KITLG: variants seen among roughly 807,000 people sequenced by gnomAD.
The protein encoded by KITLG is KIT ligand.
KITLG carries 13 observed loss-of-function variants against 34.1 expected under a neutral mutation model. That is an observed-to-expected ratio of 0.38 (90% confidence interval 0.25 to 0.61). KITLG has a LOEUF of 0.61. Ranked by LOEUF, KITLG falls within the 20% of genes least tolerant of loss-of-function variation. The pLI, the probability that KITLG is intolerant of heterozygous loss-of-function variation, is 0.60. For synonymous variants in KITLG, 110 were observed against 104.0 expected (o/e 1.06, Z -0.35); for missense variants, 292 against 318.9 (o/e 0.92, Z 0.64).
chr12:88,530,581 C>T (rs1191910160), intron 3 of KITLG, among the ~76,000 whole-genome samples: 2 of 152,068 alleles, frequency 1.3e-5, no homozygotes, highest in Non-Finnish European at 2.9e-5. Context: ...AAGTGTCTGC[C>T]AAAGTGCTGG....
At chr12:88,522,079 T>C (rs1407056973) in intron 3 of KITLG, among the ~76,000 whole-genome samples, 1 of 152,130 alleles carries the variant, frequency 6.6e-6, no homozygotes, top group Non-Finnish European at 1.5e-5. Flanking sequence ...AAATAAAATA[T>C]ATAATTTAAA....
chr12:88,495,115 ATTTAACTCCAT>A lies in KITLG; in HGVS notation c.*2093_*2103del, dbSNP rs1566015395. The A allele has an allele frequency of 6.6e-6, 1 of 152,034 alleles. No homozygotes were observed. The highest frequency in any genetic ancestry group is 1.5e-5 in the Non-Finnish European group (1 of 67,940). 9.4% of individuals were successfully genotyped at this position (152,034 alleles called of 1,614,324 possible). A position where few individuals can be genotyped will look rare whatever the true frequency, so the allele number is the denominator to read the frequency against. The stretch of plus-strand genomic sequence containing the variant: ...ATTTAATAACTTGCTGAATTTGTTT[ATTTAACTCCAT>A]TGATTAAGACCATGTCCATGAGTGT... On this transcript the variant is annotated 3_prime_UTR_variant, in exon 10 of 10. Transcript: ENST00000644744.
In KITLG at chr12:88,515,546, T is replaced by G; in HGVS notation, c.592A>C (p.Ser198Arg). 1 of 1,607,752 alleles carries G rather than the reference T, an allele frequency of 6.2e-7. No individual in the cohort carries two copies. The highest frequency in any genetic ancestry group is 8.5e-7 in the Non-Finnish European group (1 of 1,174,682). ...VAASSLRNDS[S>R]SSNRKAKNPP... ...TATATGTACTTACTATTACTGCTAC[T>G]GCTGTCATTCCTAAGGGAGCTGGCT... is the stretch of plus-strand genomic sequence containing the variant. Residue 198 changes from serine to arginine, a missense_variant, in exon 6 of 10, where the codon AGT becomes CGT. Physicochemically the swap from Ser to Arg is moderately radical, Grantham distance 110. Around this residue, in one of 2 missense-constraint regions of KITLG, gnomAD observed 140 missense variants for 111.0 expected, o/e 1.26. Transcript: ENST00000644744.
intron 1 of KITLG, among the ~76,000 whole-genome samples, chr12:88,554,327 T>C (rs557574497): frequency 6.6e-6 from 1 of 152,284 alleles, no homozygotes; most frequent in South Asian, 2.1e-4. Context: ...GATTTTAAAA[T>C]ATGCATTGTC....
intron 1 of KITLG, among the ~76,000 whole-genome samples, chr12:88,579,527 G>A (rs1347286202): frequency 6.6e-6 from 1 of 152,154 alleles, no homozygotes; most frequent in Non-Finnish European, 1.5e-5. Context: ...GTATAATGCA[G>A]AATTTAGCAG....
At chr12:88,556,141 G>T (rs892267540) in intron 1 of KITLG, among the ~76,000 whole-genome samples, 2 of 149,782 alleles carry the variant, frequency 1.3e-5, no homozygotes, top group Admixed American at 1.3e-4. Flanking sequence ...GGTGCCCACA[G>T]AAGTGTGGAA....
Position 88,545,839 on chromosome 12 carries a change from A to C in KITLG, c.42T>G (p.Leu14=). 6.2e-7 allele frequency: 1 copy of C among 1,611,282 alleles called. No homozygotes were observed. The highest frequency in any genetic ancestry group is 8.5e-7 in the Non-Finnish European group (1 of 1,177,478). The part of the protein sequence containing the change: ...TQTWILTCIY[L]QLLLFNPLVK... ...CGAGAGGATTAAATAGGAGCAGCTG[A>C]AGATAAATGCAAGTGAGAATCCAAG... The change falls in exon 2 of 10, where the codon CTT becomes CTG. Residue 14 remains leucine (L), a synonymous_variant. Coordinates refer to ENST00000644744, the MANE Select transcript of KITLG (RefSeq NM_000899.5).
intron 6 of KITLG, among the ~76,000 whole-genome samples, chr12:88,513,183 A>AT (rs1260419435): frequency 1.3e-5 from 2 of 151,702 alleles, no homozygotes; most frequent in Non-Finnish European, 3.0e-5. Context: ...AGGTTCTTGC[A>AT]TTTTTTTCTC....
chr12:88,579,988 A>G (rs1871961596), intron 1 of KITLG: 1 of 584,320 alleles, frequency 1.7e-6, no homozygotes, highest in African/African-American at 1.9e-5. Context: ...ACCAGACGGG[A>G]ATTACGGTTT....
At chr12:88,536,206 C>CA (rs1399613280) in intron 2 of KITLG, among the ~76,000 whole-genome samples, 1 of 151,952 alleles carries the variant, frequency 6.6e-6, no homozygotes, top group Non-Finnish European at 1.5e-5. Flanking sequence ...ATTCAACAAG[C>CA]AAAAAATAAC....
At chr12:88,514,065 TCAAA>T (rs1490032139) in intron 6 of KITLG, among the ~76,000 whole-genome samples, 1 of 151,612 alleles carries the variant, frequency 6.6e-6, no homozygotes, top group Non-Finnish European at 1.5e-5. Context: ...CTTTTTGACA[TCAAA>T]CAACGCACTT....
intron 2 of KITLG, among the ~76,000 whole-genome samples, chr12:88,545,173 A>G (rs1870674951): frequency 6.6e-6 from 1 of 152,130 alleles, no homozygotes; most frequent in Admixed American, 6.5e-5. Flanking sequence ...TGGGGAAGCA[A>G]TGCAAATGCT....
intron 6 of KITLG, among the ~76,000 whole-genome samples, chr12:88,509,738 G>T (rs1005920886): frequency 1.3e-5 from 2 of 152,142 alleles, no homozygotes; most frequent in African/African-American, 4.8e-5. Flanking sequence ...CATGCGTGGG[G>T]CTTAAGAACC....
At chr12:88,529,557 G>C (rs1022485353) in intron 3 of KITLG, among the ~76,000 whole-genome samples, 1 of 151,966 alleles carries the variant, frequency 6.6e-6, no homozygotes, top group Admixed American at 6.6e-5. Flanking sequence ...TAAAATGAAG[G>C]CAAAATAAAA....
intron 5 of KITLG, among the ~76,000 whole-genome samples, chr12:88,516,028 C>T (rs554219285): frequency 6.6e-6 from 1 of 151,778 alleles, no homozygotes; most frequent in Admixed American, 6.6e-5. Flanking sequence ...ATTAAGTAGA[C>T]TGGAGGTACA....
intron 3 of KITLG, among the ~76,000 whole-genome samples, chr12:88,520,412 C>T (rs1869616086): frequency 6.6e-6 from 1 of 152,146 alleles, no homozygotes; most frequent in Non-Finnish European, 1.5e-5. Flanking sequence ...GGATATGGAA[C>T]ACAGCATACA....
At chr12:88,565,482 G>T (rs1021329950) in intron 1 of KITLG, among the ~76,000 whole-genome samples, 2 of 152,024 alleles carry the variant, frequency 1.3e-5, no homozygotes, top group African/African-American at 4.8e-5. Context: ...AAAATTAGCC[G>T]GGAGTGGTGG....
At chr12:88,526,722 A>G (rs1393309580) in intron 3 of KITLG, among the ~76,000 whole-genome samples, 1 of 152,168 alleles carries the variant, frequency 6.6e-6, no homozygotes, top group East Asian at 1.9e-4. Flanking sequence ...TAAAAGAATC[A>G]GGTGTTAGCT....
chr12:88,564,602 G>A (rs1871387531), intron 1 of KITLG, among the ~76,000 whole-genome samples: 1 of 151,940 alleles, frequency 6.6e-6, no homozygotes, highest in Admixed American at 6.6e-5. Context: ...CTTCTTTATG[G>A]TCCTTTTTGG....
Sources: gnomAD v4.1 joint callset for allele counts (sites outside exome capture counted in the v4.1 genomes callset) on GRCh38, gnomAD v4.1.1 for gene constraint, gnomAD v4.1.1 regional missense constraint, MANE v1.5 for transcripts, NCBI Gene and HGNC (gene_info 2026-07-23, HGNC 2026-07-21) for gene names.